The following ROBO2 variants were observed in gnomAD, a reference collection of about 807,000 sequenced individuals.
ROBO2 encodes the protein roundabout homolog 2.
ROBO2 carries 53 observed loss-of-function variants against 160.8 expected under a neutral mutation model. That is an observed-to-expected ratio of 0.33 (90% confidence interval 0.26 to 0.41). ROBO2 has a LOEUF of 0.41. Ranked by LOEUF, ROBO2 falls within the 10% of genes least tolerant of loss-of-function variation. The pLI is 1.00. For missense variants in ROBO2, 1,577 were observed against 1,722.4 expected (o/e 0.92, Z 1.49); for synonymous variants, 664 against 611.7 (o/e 1.09, Z -1.26).
intron 2 of ROBO2, among the ~76,000 whole-genome samples, chr3:77,265,965 A>T (rs553780171): frequency 2.6e-5 from 4 of 152,262 alleles, no homozygotes; most frequent in African/African-American, 9.6e-5. Context: ...TCCTTCATGG[A>T]TGTGCATCTC....
chr3:77,550,805 C>T lies in ROBO2; in HGVS notation c.1060-13C>T, dbSNP rs763490195. Reference sequence around the variant, plus strand: ...GAAAATGAATATTGATGAGATTGTGCTTGCTTCCACAGAACCTACTTTTCC... The same window carrying T: ...GAAAATGAATATTGATGAGATTGTGTTTGCTTCCACAGAACCTACTTTTCC... On this transcript the variant is annotated splice_polypyrimidine_tract_variant and intron_variant, in intron 7 of 25. Coordinates refer to ENST00000461745, the Ensembl canonical transcript of ROBO2. 6.2e-7 allele frequency: 1 copy of T among 1,612,390 alleles called. No individual in the cohort carries two copies. Among genetic ancestry groups the T allele is most frequent in the Non-Finnish European group, 8.5e-7 (1 of 1,178,968 alleles).
At chr3:76,665,225 G>A (rs1175768148) in intron 2 of ROBO2, among the ~76,000 whole-genome samples, 1 of 151,870 alleles carries the variant, frequency 6.6e-6, no homozygotes, top group Non-Finnish European at 1.5e-5. Flanking sequence ...TCTCTGGCCT[G>A]CCTAAGTTGT....
intron 2 of ROBO2, among the ~76,000 whole-genome samples, chr3:77,365,296 G>T (rs909571036): frequency 3.3e-5 from 5 of 152,142 alleles, no homozygotes; most frequent in Admixed American, 2.6e-4. Context: ...CTGAAGGAGG[G>T]TTTATGGCAG....
intron 2 of ROBO2, among the ~76,000 whole-genome samples, chr3:76,805,435 T>C (rs942971653): frequency 2.6e-5 from 4 of 152,016 alleles, no homozygotes; most frequent in Non-Finnish European, 5.9e-5. Context: ...AGGCATCTTT[T>C]ATTTTGACCA....
At chr3:77,305,589 A>G (rs1048713182) in intron 2 of ROBO2, among the ~76,000 whole-genome samples, 3 of 152,304 alleles carry the variant, frequency 2.0e-5, no homozygotes, top group African/African-American at 7.2e-5. Flanking sequence ...GAATTCGCCC[A>G]TGTTCACATG....
chr3:76,962,256 A>G (rs1559769171), intron 2 of ROBO2, among the ~76,000 whole-genome samples: 2 of 151,960 alleles, frequency 1.3e-5, no homozygotes, highest in Non-Finnish European at 2.9e-5. Flanking sequence ...AATTGCTTGA[A>G]CACAGGAGGT....
chr3:76,657,211 G>T lies in ROBO2; in HGVS notation c.110-440803G>T, dbSNP rs569324070. Among the ~76,000 whole-genome samples the T allele has an allele frequency of 1.1e-4, 16 of 149,764 alleles. No homozygotes were observed. The South Asian group carries it at 3.4e-3, about 32-fold the overall frequency. ...GAAGCCGAGGCAGGCAGATCACGAG[G>T]TCAGGAGATCGAGACCATCCTGGCT... On this transcript the variant is annotated intron_variant, in intron 2 of 26. Transcript: ENST00000487694.
intron 2 of ROBO2, among the ~76,000 whole-genome samples, chr3:75,971,467 C>A (rs1289026216): frequency 1.3e-5 from 2 of 151,450 alleles, no homozygotes; most frequent in African/African-American, 2.4e-5. Context: ...AAACTTTGGT[C>A]AAGCAATTAA....
intron 2 of ROBO2, among the ~76,000 whole-genome samples, chr3:77,357,711 T>A (rs999697777): frequency 2.6e-4 from 40 of 152,160 alleles, no homozygotes; most frequent in African/African-American, 9.7e-4. Flanking sequence ...CAAACTTCCA[T>A]GTTCTGTAAT....
intron 6 of ROBO2, among the ~76,000 whole-genome samples, chr3:77,529,696 A>G (rs896715918): frequency 6.6e-6 from 1 of 151,906 alleles, no homozygotes; most frequent in African/African-American, 2.4e-5. Flanking sequence ...GTTTGAAATG[A>G]TTTCTTAAAT....
At chr3:75,920,219 G>A (rs764706896) in intron 1 of ROBO2, among the ~76,000 whole-genome samples, 7 of 152,122 alleles carry the variant, frequency 4.6e-5, no homozygotes, top group Non-Finnish European at 1.0e-4. Flanking sequence ...AGATATTCTG[G>A]TATGTTGTGT....
At chr3:75,994,564 T>C (rs1431933559) in intron 2 of ROBO2, among the ~76,000 whole-genome samples, 1 of 152,226 alleles carries the variant, frequency 6.6e-6, no homozygotes, top group African/African-American at 2.4e-5. Context: ...TCCACCATGA[T>C]TGTAAGTTTC....
At chr3:76,762,108 A>G (rs1314543230) in intron 2 of ROBO2, among the ~76,000 whole-genome samples, 1 of 151,602 alleles carries the variant, frequency 6.6e-6, no homozygotes. Flanking sequence ...TTAGATTCTG[A>G]GATTAATATT....
intron 2 of ROBO2, among the ~76,000 whole-genome samples, chr3:77,209,912 C>A (rs1404116818): frequency 1.3e-5 from 2 of 152,102 alleles, no homozygotes; most frequent in Non-Finnish European, 1.5e-5. Context: ...CCAGGTGATT[C>A]TAATGTGTGG....
At chr3:77,160,511 A>G (rs1407850475) in intron 2 of ROBO2, among the ~76,000 whole-genome samples, 2 of 152,184 alleles carry the variant, frequency 1.3e-5, no homozygotes, top group Non-Finnish European at 2.9e-5. Flanking sequence ...CCCTCTTAAT[A>G]ATATATCCTT....
At chr3:76,157,438 A>C (rs1365218459) in intron 2 of ROBO2, among the ~76,000 whole-genome samples, 3 of 152,182 alleles carry the variant, frequency 2.0e-5, no homozygotes, top group Admixed American at 1.3e-4. Context: ...GTAGCAGAGT[A>C]AGCCACAATG....
chr3:76,258,333 A>T (rs150402323), intron 2 of ROBO2, among the ~76,000 whole-genome samples: 1 of 152,032 alleles, frequency 6.6e-6, no homozygotes, highest in Non-Finnish European at 1.5e-5. Context: ...ATAGCAATAC[A>T]TTTTTATCCA....
intron 2 of ROBO2, among the ~76,000 whole-genome samples, chr3:76,784,977 C>A (rs2062879944): frequency 6.6e-6 from 1 of 151,112 alleles, no homozygotes. Context: ...ATTTTTTGGA[C>A]CACCAAATGC....
At chr3:76,358,773 T>A (rs1037855171) in intron 2 of ROBO2, among the ~76,000 whole-genome samples, 4 of 151,958 alleles carry the variant, frequency 2.6e-5, no homozygotes, top group African/African-American at 9.7e-5. Context: ...AAATTTTTTT[T>A]ATTTTATTAT....
Sources: allele counts gnomAD v4.1 joint callset (sites outside exome capture counted in the v4.1 genomes callset), GRCh38; gene constraint gnomAD v4.1.1; transcripts MANE v1.5; gene names NCBI Gene and HGNC (gene_info 2026-07-23, HGNC 2026-07-21).